Variants in THSD4 observed in about 807,000 individuals in gnomAD.
THSD4 encodes the protein thrombospondin type-1 domain-containing protein 4.
A neutral mutation model predicts 119.0 loss-of-function variants in THSD4; 69 were observed. The ratio of observed to expected loss-of-function variants is 0.58; its 90% CI spans 0.48 to 0.71. THSD4 has a LOEUF of 0.71. Ranked by LOEUF, THSD4 falls within the 30% of genes least tolerant of loss-of-function variation. The probability of loss-of-function intolerance (pLI) is 0.00; values close to 1 mark genes in which losing one functional copy is unlikely to be tolerated. For missense variants in THSD4, 1,393 were observed against 1,391.1 expected, an observed-to-expected ratio of 1.00 and a Z score of -0.02; for synonymous variants, 524 against 540.4, an observed-to-expected ratio of 0.97 and a Z score of 0.42.
intron 6 of THSD4, among the ~76,000 whole-genome samples, chr15:71,260,838 C>T (rs914527953): frequency 7.9e-5 from 12 of 152,284 alleles, no homozygotes; most frequent in South Asian, 4.2e-4. Flanking sequence ...CGGTGGCTCA[C>T]GCCTGTAATC....
At chr15:71,498,739 A>G (rs964498258) in intron 7 of THSD4, among the ~76,000 whole-genome samples, 4 of 152,084 alleles carry the variant, frequency 2.6e-5, no homozygotes, top group African/African-American at 7.2e-5. Flanking sequence ...TTTGTCACCC[A>G]GGCTGGACAG....
intron 6 of THSD4, among the ~76,000 whole-genome samples, chr15:71,296,995 G>C (rs1220049272): frequency 6.6e-6 from 1 of 152,086 alleles, no homozygotes; most frequent in African/African-American, 2.4e-5. Context: ...TCTTTTGGCT[G>C]TTTCTGCCCC....
intron 8 of THSD4, among the ~76,000 whole-genome samples, chr15:71,668,689 C>A (rs1039511667): frequency 6.6e-6 from 1 of 152,114 alleles, no homozygotes; most frequent in African/African-American, 2.4e-5. Context: ...TGACTGGTAC[C>A]CCACTCTCTG....
In THSD4 at chr15:71,547,367, C is replaced by A. The variant is rs774907770; in HGVS notation, c.1153-113163C>A. ...GCATCTGCTAGCTGTTAGCACTTGG[C>A]AGACGGAGTTCTCCTCTAGGGTAGT... is the stretch of plus-strand genomic sequence containing the variant. On this transcript the variant is annotated intron_variant, in intron 7 of 17. Transcript: ENST00000261862. 3.6e-4 allele frequency: 558 copies of A among 1,548,238 alleles called. 1 individual carries two copies. Among genetic ancestry groups the A allele is most frequent in the Non-Finnish European group, 3.9e-4 (444 of 1,146,112 alleles).
intron 6 of THSD4, among the ~76,000 whole-genome samples, chr15:71,351,619 C>A (rs2045744749): frequency 1.3e-5 from 2 of 152,210 alleles, no homozygotes; most frequent in South Asian, 4.1e-4. Context: ...TTGCTCACAT[C>A]ATCTGTGGCA....
At chr15:71,447,670 C>T (rs2047204659) in intron 7 of THSD4, among the ~76,000 whole-genome samples, 1 of 152,184 alleles carries the variant, frequency 6.6e-6, no homozygotes, top group African/African-American at 2.4e-5. Flanking sequence ...AAATAAAAGA[C>T]AAAACCTGAG....
At chr15:71,429,410 T>C (rs2046914235) in intron 7 of THSD4, among the ~76,000 whole-genome samples, 1 of 152,214 alleles carries the variant, frequency 6.6e-6, no homozygotes. Context: ...AGGACCAGAA[T>C]AGAAGACAGT....
At chr15:71,716,704 G>C (rs546428719) in intron 8 of THSD4, among the ~76,000 whole-genome samples, 27 of 151,956 alleles carry the variant, frequency 1.8e-4, no homozygotes, top group Admixed American at 1.2e-3. Flanking sequence ...GTGCACACCT[G>C]ACCGCACACT....
At chr15:71,348,057 C>G (rs2045690591) in intron 6 of THSD4, 1 of 152,170 alleles carries the variant, frequency 6.6e-6, no homozygotes, top group Non-Finnish European at 1.5e-5. Flanking sequence ...GAAACTGAGA[C>G]TATTTTGTAA....
chr15:71,654,227 T>C (rs1006052871), intron 7 of THSD4, among the ~76,000 whole-genome samples: 6 of 152,196 alleles, frequency 3.9e-5, no homozygotes, highest in African/African-American at 1.4e-4. Flanking sequence ...AGACTGTAAA[T>C]AGGAACCTTG....
chr15:71,414,547 T>G (rs932588208), intron 7 of THSD4, among the ~76,000 whole-genome samples: 8 of 152,210 alleles, frequency 5.3e-5, no homozygotes, highest in African/African-American at 1.9e-4. Flanking sequence ...GATTAAAATA[T>G]AGTTAACAAA....
intron 7 of THSD4, among the ~76,000 whole-genome samples, chr15:71,511,570 C>A (rs942281078): frequency 6.6e-6 from 1 of 152,224 alleles, no homozygotes; most frequent in East Asian, 1.9e-4. Context: ...AAATTTCCCC[C>A]CTCCCACTGC....
Position 71,311,204 on chromosome 15 carries a change from G to C in THSD4, c.1015+54489G>C, listed in dbSNP as rs2045106137. On this transcript the variant is annotated intron_variant, in intron 6 of 17. Coordinates refer to ENST00000261862, the MANE Select transcript of THSD4 (RefSeq NM_024817.3). ...AGAGGCAGGATAGAGAATAAAAAGG[G>C]AGGACAATGAGCAAAGGACATAGAC... 2.6e-5 allele frequency among the ~76,000 whole-genome samples: 4 copies of C among 152,140 alleles called. No homozygotes were observed. The South Asian group carries it at 8.3e-4, about 31-fold the overall frequency.
At chr15:71,190,838 C>G (rs1451959046) in intron 3 of THSD4, among the ~76,000 whole-genome samples, 1 of 152,150 alleles carries the variant, frequency 6.6e-6, no homozygotes, top group East Asian at 1.9e-4. Flanking sequence ...CAGAAGGTCC[C>G]ATCGAGAGGA....
At chr15:71,727,861 C>A (rs899208939) in intron 8 of THSD4, among the ~76,000 whole-genome samples, 1 of 148,580 alleles carries the variant, frequency 6.7e-6, no homozygotes, top group Non-Finnish European at 1.5e-5. Context: ...CACCCATATT[C>A]ATAAATAAAG....
chr15:71,209,017 G>A lies in THSD4; in HGVS notation c.100-6018G>A, dbSNP rs2043868134. Among the ~76,000 whole-genome samples, 3 of 152,150 alleles carry A rather than the reference G, an allele frequency of 2.0e-5. No homozygotes were observed. In the South Asian group the frequency reaches 6.2e-4, roughly 32 times the overall value. ...CTCTTGGGGGAAGGGTCACGGCATG[G>A]CATGTGTGCTTTGAACAAGCTCCTC... is the stretch of plus-strand genomic sequence containing the variant. On this transcript the variant is annotated intron_variant, in intron 3 of 17. Transcript: ENST00000261862.
At chr15:71,406,931 A>G (rs554273776) in intron 6 of THSD4, among the ~76,000 whole-genome samples, 1 of 151,986 alleles carries the variant, frequency 6.6e-6, no homozygotes, top group South Asian at 2.1e-4. Context: ...TGATCAGCCC[A>G]CCTTGGCCTT....
intron 7 of THSD4, among the ~76,000 whole-genome samples, chr15:71,554,801 G>A (rs1052870656): frequency 1.3e-5 from 2 of 151,282 alleles, no homozygotes; most frequent in African/African-American, 4.9e-5. Flanking sequence ...GATGGTATTT[G>A]AGTATCTTTT....
In THSD4 at chr15:71,604,890, G is replaced by A. The variant is rs187689586; in HGVS notation, c.1153-55640G>A. 1.1e-4 allele frequency among the ~76,000 whole-genome samples: 16 copies of A among 152,066 alleles called. No homozygotes were observed. The East Asian group carries it at 3.1e-3, about 29-fold the overall frequency. On this transcript the variant is annotated intron_variant, in intron 7 of 17. Coordinates refer to ENST00000261862, the MANE Select transcript of THSD4 (RefSeq NM_024817.3). ...GTGAAAATACTCTTTATCAACAATG[G>A]CAGAAGAAATGCTATGGAGAAAAAT...
Sources: gnomAD v4.1 joint callset for allele counts (sites outside exome capture counted in the v4.1 genomes callset) on GRCh38, gnomAD v4.1.1 for gene constraint, MANE v1.5 for transcripts, NCBI Gene and HGNC (gene_info 2026-07-23, HGNC 2026-07-21) for gene names.